The following SAP130 variants were observed in gnomAD, a reference collection of about 807,000 sequenced individuals.
SAP130 encodes the protein histone deacetylase complex subunit SAP130.
In SAP130, 16 loss-of-function variants were observed where a neutral mutation model predicts 103.2. The ratio of observed to expected loss-of-function variants is 0.16; its 90% confidence interval spans 0.10 to 0.24. The LOEUF (loss-of-function observed/expected upper bound fraction) is 0.24, where lower values mean the gene tolerates loss of function less well. Ranked by LOEUF, SAP130 falls within the 10% of genes least tolerant of loss-of-function variation. SAP130 has a pLI of 1.00. For missense variants in SAP130, 990 were observed against 1,359.7 expected, an observed-to-expected ratio of 0.73 and a Z score of 4.28; for synonymous variants, 477 against 497.0, an observed-to-expected ratio of 0.96 and a Z score of 0.53.
At chr2:127,991,785 G>C (rs1234827013) in intron 12 of SAP130, among the ~76,000 whole-genome samples, 4 of 152,158 alleles carry the variant, frequency 2.6e-5, no homozygotes, top group African/African-American at 9.7e-5. Flanking sequence ...TGAAAAAGTA[G>C]TTTTGCATTG....
chr2:127,987,078 A>G, intron 13 of SAP130, 116 bp from the exon 14 acceptor site: 1 of 875,552 alleles, frequency 1.1e-6, no homozygotes, highest in Non-Finnish European at 1.8e-6. Flanking sequence ...CTAACTGTCC[A>G]ATTTCAAACT....
intron 6 of SAP130, among the ~76,000 whole-genome samples, chr2:128,012,632 T>C (rs1418083744): frequency 6.6e-6 from 1 of 152,100 alleles, no homozygotes; most frequent in Admixed American, 6.6e-5. Flanking sequence ...AAGAAAAAGC[T>C]GAATGGCATG....
chr2:128,003,055 G>A (rs1683681548), intron 7 of SAP130, among the ~76,000 whole-genome samples: 2 of 152,042 alleles, frequency 1.3e-5, no homozygotes, highest in Admixed American at 6.6e-5. Context: ...TGAGAGCCCA[G>A]GAGGCAGAGG....
chr2:128,021,455 A>C lies in SAP130; in HGVS notation c.113-3540T>G, dbSNP rs569868822. Reference sequence around the variant, plus strand: ...GAACAAGACTCCATCTCAAAAAAAAAAAAAAACAAAAAAACAGAGAGGAAA... The same window carrying C: ...GAACAAGACTCCATCTCAAAAAAAACAAAAAACAAAAAAACAGAGAGGAAA... On this transcript the variant is annotated intron_variant, in intron 2 of 20. Coordinates refer to ENST00000643581, the MANE Select transcript of SAP130 (RefSeq NM_001330301.2). 2.4e-3 allele frequency among the ~76,000 whole-genome samples: 372 copies of C among 151,972 alleles called. 2 individuals carry two copies. Among genetic ancestry groups the C allele is most frequent in the South Asian group, 0.016 (78 of 4,818 alleles).
intron 15 of SAP130, among the ~76,000 whole-genome samples, chr2:127,970,957 CTTTT>C (rs879518027): frequency 6.9e-6 from 1 of 144,970 alleles, no homozygotes; most frequent in Admixed American, 6.9e-5. Context: ...ATCTTTCTCT[CTTTT>C]TTTTTTTTAG....
At chr2:128,013,239 C>A in intron 5 of SAP130, 85 bp from the exon 6 acceptor site, 1 of 1,306,210 alleles carries the variant, frequency 7.7e-7, no homozygotes, top group Non-Finnish European at 1.0e-6. Context: ...ACTCAGATAG[C>A]ATGTCAATAT....
chr2:127,978,554 A>T (rs908246262), intron 14 of SAP130, among the ~76,000 whole-genome samples: 8 of 152,246 alleles, frequency 5.3e-5, no homozygotes, highest in African/African-American at 1.9e-4. Flanking sequence ...AGGCCACGTA[A>T]GGCTCTGACA....
intron 13 of SAP130, among the ~76,000 whole-genome samples, 171 bp from the exon 14 acceptor site, chr2:127,987,133 G>C (rs985291389): frequency 4.6e-5 from 7 of 152,228 alleles, no homozygotes; most frequent in African/African-American, 1.7e-4. Context: ...AGAGCAGATA[G>C]CTAAATGGGA....
intron 2 of SAP130, among the ~76,000 whole-genome samples, chr2:128,022,099 T>C (rs1007935296): frequency 5.3e-5 from 8 of 152,208 alleles, no homozygotes; most frequent in African/African-American, 1.9e-4. Context: ...TCACACCCCT[T>C]TGCAGTCAAT....
At chr2:128,027,250 CCA>C (rs1480107950) in intron 1 of SAP130, 3 of 1,186,560 alleles carry the variant, frequency 2.5e-6, no homozygotes, top group Non-Finnish European at 3.1e-6. Context: ...CCCGCTGGCC[CCA>C]CTCACCCCCG....
In SAP130 at chr2:127,955,152, G is replaced by A. The variant is rs1200866620; in HGVS notation, c.2256C>T (p.Thr752=). 2 of 1,614,062 alleles carry A rather than the reference G, an allele frequency of 1.2e-6. No individual in the cohort carries two copies. The highest frequency in any genetic ancestry group is 1.7e-6 in the Non-Finnish European group (2 of 1,180,048). The change falls in exon 16 of 21, where the codon ACC becomes ACT. Residue 752 remains threonine, a synonymous_variant. Transcript: ENST00000643581. The surrounding 1 kb of genome is among the most constrained non-coding windows in gnomAD (Gnocchi z 4.9). ...GAGTGATGGGGACCGCTCCAGGAATGGTTGAAAGGGCAACGGCTGGTTGTG... is the reference window on the plus strand; with the variant it reads ...GAGTGATGGGGACCGCTCCAGGAATAGTTGAAAGGGCAACGGCTGGTTGTG... ...PPSQPAVALS[T]IPGAVPITPP...
chr2:127,963,922 T>C (rs146882127), intron 15 of SAP130, among the ~76,000 whole-genome samples: 78 of 152,368 alleles, frequency 5.1e-4, no homozygotes, highest in African/African-American at 1.7e-3. Context: ...AAGTTCAATG[T>C]AAAAAACTCC....
At chr2:127,963,635 C>T (rs1430406114) in intron 15 of SAP130, among the ~76,000 whole-genome samples, 1 of 152,150 alleles carries the variant, frequency 6.6e-6, no homozygotes, top group Non-Finnish European at 1.5e-5. Context: ...TCTTGTAGCT[C>T]CCATGATTCC....
chr2:127,965,015 G>C (rs936448115), intron 15 of SAP130, among the ~76,000 whole-genome samples: 3 of 106,178 alleles, frequency 2.8e-5, no homozygotes, highest in Non-Finnish European at 6.0e-5. Context: ...AAAAAAAACA[G>C]GCTGGGTGTG....
chr2:127,956,263 C>T (rs575073998), intron 15 of SAP130, among the ~76,000 whole-genome samples: 12 of 152,290 alleles, frequency 7.9e-5, no homozygotes, highest in African/African-American at 2.9e-4. Flanking sequence ...TCTCCCAGGC[C>T]TTATGCTTCT....
At position 127,955,275 on chromosome 2, in the gene SAP130, G is replaced by A. The variant is rs1679759909; in HGVS notation, c.2133C>T (p.Ser711=). Residue 711 remains serine (S), a synonymous_variant, in exon 16 of 21, where the codon TCC becomes TCT. Coordinates refer to ENST00000643581, the MANE Select transcript of SAP130 (RefSeq NM_001330301.2). This position sits in a 1 kb window ranked among gnomAD's most constrained non-coding sequence, Gnocchi z 4.9. ...TGGTAGGCTGATCATTATTTTGATT[G>A]GATACAGTCTCCATGGACACAGTGA... ...TPVTVSMETV[S]NQNNDQPTIA... The A allele has an allele frequency of 6.2e-7, 1 of 1,613,380 alleles. No individual in the cohort carries two copies. The highest frequency in any genetic ancestry group is 1.3e-5 in the African/African-American group (1 of 74,870).
At position 127,986,693 on chromosome 2, in the gene SAP130, G is replaced by T; in HGVS notation, c.1958+92C>A. The T allele has an allele frequency of 7.5e-7, 1 of 1,340,708 alleles. No individual in the cohort carries two copies. Among genetic ancestry groups the T allele is most frequent in the Non-Finnish European group, 1.0e-6 (1 of 964,620 alleles). The allele number at this position is 1,340,708 out of a possible 1,614,324, so 83.1% of individuals were successfully genotyped here. A position where few individuals can be genotyped will look rare whatever the true frequency, so the allele number is the denominator to read the frequency against. ...ACACACCACAGAAAATGAGAGATGA[G>T]TTTGATACCAGCATTAGATAAGAGT... On this transcript the variant is annotated intron_variant, in intron 14 of 20. Transcript: ENST00000643581. This position sits in a 1 kb window ranked among gnomAD's most constrained non-coding sequence, Gnocchi z 4.7.
At position 127,945,558 on chromosome 2, in the gene SAP130, C is replaced by T. The variant is rs1391955503; in HGVS notation, c.2799G>A (p.Glu933=). 6.3e-7 allele frequency: 1 copy of T among 1,580,820 alleles called. No homozygotes were observed. Among genetic ancestry groups the T allele is most frequent in the Admixed American group, 1.7e-5 (1 of 59,918 alleles). ...TTTCCTGCAGCATAGCTTTCTTCTC[C>T]TCTGGAACCATAAAAAATAAAAATA... is the stretch of plus-strand genomic sequence containing the variant. ...FQRYSDVRVK[E]EKKAMLQEIA... The change falls in exon 19 of 21, where the codon GAG becomes GAA. Residue 933 remains glutamate, a splice_region_variant and synonymous_variant. Transcript: ENST00000643581.
At position 127,964,481 on chromosome 2, in the gene SAP130, C is replaced by T. The variant is rs192224025; in HGVS notation, c.2064-9137G>A. The stretch of plus-strand genomic sequence containing the variant: ...TGCACTCCAGCCTGGGCGACAAGAG[C>T]GAAACTCCATCTCAAAAAAAAAAAA... On this transcript the variant is annotated intron_variant, in intron 15 of 20. Coordinates refer to ENST00000643581, the MANE Select transcript of SAP130 (RefSeq NM_001330301.2). Among the ~76,000 whole-genome samples, 116 of 102,440 alleles carry T rather than the reference C, an allele frequency of 1.1e-3. No individual in the cohort carries two copies. The East Asian group carries it at 0.025, about 22-fold the overall frequency. 67.2% of individuals were successfully genotyped at this position (102,440 alleles called of 152,430 possible).
Sources: allele counts gnomAD v4.1 joint callset (sites outside exome capture counted in the v4.1 genomes callset), GRCh38; gene constraint gnomAD v4.1.1; non-coding constraint Gnocchi (gnomAD v3.1); transcripts MANE v1.5; gene names NCBI Gene and HGNC (gene_info 2026-07-23, HGNC 2026-07-21).